The following FSHR variants were observed in gnomAD, a reference collection of about 807,000 sequenced individuals.
The protein encoded by FSHR is follicle-stimulating hormone receptor.
A neutral mutation model predicts 52.1 loss-of-function variants in FSHR; 46 were observed. The ratio of observed to expected loss-of-function variants is 0.88; its 90% CI spans 0.70 to 1.13. FSHR has a LOEUF of 1.13. Ranked by LOEUF, FSHR falls within the 50% of genes most tolerant of loss-of-function variation. The pLI, the probability that FSHR is intolerant of heterozygous loss-of-function variation, is 0.00. For synonymous variants in FSHR, 399 were observed against 309.6 expected (o/e 1.29, Z -3.03); for missense variants, 964 against 834.6 (o/e 1.16, Z -1.91).
chr2:49,118,516 G>A (rs1025827346), intron 1 of FSHR, among the ~76,000 whole-genome samples: 2 of 152,104 alleles, frequency 1.3e-5, no homozygotes, highest in African/African-American at 4.8e-5. Flanking sequence ...AATACAGGGT[G>A]GTCATGGGAG....
intron 2 of FSHR, among the ~76,000 whole-genome samples, chr2:49,033,220 G>C (rs1359010534): frequency 6.6e-6 from 1 of 152,214 alleles, no homozygotes; most frequent in African/African-American, 2.4e-5. Context: ...AAGAGAGCTA[G>C]AGATGTGCAG....
chr2:49,045,355 T>C (rs1282947182), intron 2 of FSHR, among the ~76,000 whole-genome samples: 1 of 152,172 alleles, frequency 6.6e-6, no homozygotes, highest in South Asian at 2.1e-4. Context: ...CTCTCCACAG[T>C]AGTTAGATCC....
chr2:49,063,468 C>A (rs1669387898), intron 2 of FSHR, among the ~76,000 whole-genome samples: 2 of 151,898 alleles, frequency 1.3e-5, no homozygotes, highest in Non-Finnish European at 2.9e-5. Flanking sequence ...CACACACTCA[C>A]AATGGAATAC....
intron 9 of FSHR, among the ~76,000 whole-genome samples, chr2:48,965,028 AC>A (rs1463804788): frequency 6.6e-6 from 1 of 151,918 alleles, no homozygotes; most frequent in East Asian, 1.9e-4. Context: ...ACACATGCAT[AC>A]CTTTCCCTCC....
Position 49,087,727 on chromosome 2 carries a change from C to T in FSHR, c.153-19437G>A, listed in dbSNP as rs139935681. 1.5e-3 allele frequency among the ~76,000 whole-genome samples: 226 copies of T among 152,164 alleles called. 2 individuals are homozygous for T. The highest frequency in any genetic ancestry group is 5.4e-3 in the African/African-American group (223 of 41,496). ...GATGGATGGAGACAGAGGGAGGGAG[C>T]AAGGGAAGGCGAAAGATGTGGGAGA... On this transcript the variant is annotated intron_variant, in intron 1 of 9. Transcript: ENST00000406846.
chr2:49,069,172 T>A (rs1027190667), intron 1 of FSHR, among the ~76,000 whole-genome samples: 1 of 152,136 alleles, frequency 6.6e-6, no homozygotes, highest in Non-Finnish European at 1.5e-5. Context: ...TTTCTCTTCT[T>A]TATTTCCATA....
Position 49,005,871 on chromosome 2 carries a change from C to A in FSHR, c.374+11618G>T, listed in dbSNP as rs377644930. On this transcript the variant is annotated intron_variant, in intron 4 of 9. Transcript: ENST00000406846. ...CTTGGGTGTGTTTGAAAGGGTGTTACCAAAGGAGATGAACATTTGAGTCAG... is the reference window on the plus strand; with the variant it reads ...CTTGGGTGTGTTTGAAAGGGTGTTAACAAAGGAGATGAACATTTGAGTCAG... Among the ~76,000 whole-genome samples the A allele has an allele frequency of 7.2e-5, 11 of 152,164 alleles. No homozygotes were observed. The South Asian group carries it at 2.3e-3, about 31-fold the overall frequency.
intron 1 of FSHR, among the ~76,000 whole-genome samples, chr2:49,146,621 A>G (rs1288586916): frequency 6.6e-6 from 1 of 152,026 alleles, no homozygotes; most frequent in African/African-American, 2.4e-5. Flanking sequence ...AGAGGAGCGC[A>G]AGGATTACAC....
chr2:49,127,796 CTT>C (rs1672076200), intron 1 of FSHR, among the ~76,000 whole-genome samples: 7 of 56,520 alleles, frequency 1.2e-4, no homozygotes, highest in Admixed American at 8.4e-4. Context: ...TCTTCTTCTT[CTT>C]CTTCTTCTTC....
At chr2:49,021,831 T>TTCTC (rs1553334822) in intron 2 of FSHR, among the ~76,000 whole-genome samples, 622 of 46,178 alleles carry the variant, frequency 0.013, 28 homozygotes, top group African/African-American at 0.043. Context: ...GGGTATGTGT[T>TTCTC]TCTCTCTCTC....
chr2:48,999,641 C>T (rs1034249410), intron 4 of FSHR, among the ~76,000 whole-genome samples: 6 of 152,166 alleles, frequency 3.9e-5, no homozygotes, highest in Middle Eastern at 3.4e-3. Context: ...TCTCTAGAAA[C>T]GGTATTTCCA....
At chr2:49,015,950 G>A (rs1263349508) in intron 4 of FSHR, among the ~76,000 whole-genome samples, 1 of 152,182 alleles carries the variant, frequency 6.6e-6, no homozygotes, top group African/African-American at 2.4e-5. Flanking sequence ...ACCTCTGACA[G>A]TAACTTAGAA....
intron 2 of FSHR, among the ~76,000 whole-genome samples, chr2:49,030,293 T>A (rs1668055329): frequency 8.9e-6 from 1 of 112,926 alleles, no homozygotes; most frequent in Non-Finnish European, 2.0e-5. Flanking sequence ...TGTGTGTGTG[T>A]GTGTGTGTGT....
In FSHR at chr2:49,104,421, C is replaced by T. The variant is rs551279743; in HGVS notation, c.153-36131G>A. 7.9e-5 allele frequency among the ~76,000 whole-genome samples: 12 copies of T among 152,206 alleles called. No individual in the cohort carries two copies. In the South Asian group the frequency reaches 1.0e-3, roughly 13 times the overall value. On this transcript the variant is annotated intron_variant, in intron 1 of 9. Coordinates refer to ENST00000406846, the MANE Select transcript of FSHR (RefSeq NM_000145.4). ...TGTTCGGTCAGAGTTCAAAACAATT[C>T]ACCATGGAAAGTTGTTCGGAGAGCC... is the stretch of plus-strand genomic sequence containing the variant.
chr2:49,097,655 G>A (rs995166455), intron 1 of FSHR, among the ~76,000 whole-genome samples: 6 of 152,254 alleles, frequency 3.9e-5, no homozygotes, highest in East Asian at 1.9e-4. Flanking sequence ...ATAGAATAAC[G>A]TTAGGACAGA....
chr2:49,106,344 A>G (rs1671220871), intron 1 of FSHR, among the ~76,000 whole-genome samples: 1 of 151,942 alleles, frequency 6.6e-6, no homozygotes, highest in African/African-American at 2.4e-5. Context: ...AGAGAGATAG[A>G]AAGAAAGAAA....
At chr2:49,128,958 T>C (rs1053510944) in intron 1 of FSHR, among the ~76,000 whole-genome samples, 2 of 152,066 alleles carry the variant, frequency 1.3e-5, no homozygotes, top group Non-Finnish European at 2.9e-5. Flanking sequence ...AACATCACTC[T>C]ATTATTTTCT....
At chr2:49,013,517 AATATAT>A (rs1553333467) in intron 4 of FSHR, among the ~76,000 whole-genome samples, 1 of 133,152 alleles carries the variant, frequency 7.5e-6, no homozygotes, top group African/African-American at 2.8e-5. Flanking sequence ...TATATATATA[AATATAT>A]ATAAAAATAT....
intron 2 of FSHR, 57 bp downstream of exon 2, chr2:49,068,162 A>G: frequency 7.6e-7 from 1 of 1,320,390 alleles, no homozygotes; most frequent in Non-Finnish European, 1.1e-6. Flanking sequence ...ATGTGGTCTG[A>G]GGTTGCTCCC....
Sources: gnomAD v4.1 joint callset for allele counts (sites outside exome capture counted in the v4.1 genomes callset) on GRCh38, gnomAD v4.1.1 for gene constraint, MANE v1.5 for transcripts, NCBI Gene and HGNC (gene_info 2026-07-23, HGNC 2026-07-21) for gene names.